The following NHSL2 variants were observed in gnomAD, a reference collection of about 807,000 sequenced individuals.
The protein encoded by NHSL2 is NHS like 2.
In NHSL2, 27 loss-of-function variants were observed where a neutral mutation model predicts 53.4. The observed-to-expected ratio is 0.51, with a 90% CI of 0.37 to 0.70. The LOEUF is 0.70. Among genes scored for constraint, NHSL2 ranks in the 30% least tolerant of loss-of-function variants. The probability of loss-of-function intolerance (pLI) is 0.00; values close to 1 mark genes in which losing one functional copy is unlikely to be tolerated. For missense variants in NHSL2, 892 were observed against 980.1 expected, an observed-to-expected ratio of 0.91 and a Z score of 1.20; for synonymous variants, 408 against 404.1, an observed-to-expected ratio of 1.01 and a Z score of -0.12.
intron 1 of NHSL2, among the ~76,000 whole-genome samples, chrX:72,073,149 C>T (rs1476046767): frequency 8.9e-6 from 1 of 112,079 alleles, no homozygotes; most frequent in Non-Finnish European, 1.9e-5. Context: ...TTCCCAGAGG[C>T]TGGAGCCAGA....
In NHSL2 at chrX:71,963,983, A is replaced by ATATGTG. The variant is rs1569467044; in HGVS notation, c.280+52619_280+52620insGTGTAT. Among the ~76,000 whole-genome samples the ATATGTG allele has an allele frequency of 4.7e-3, 308 of 65,360 alleles. 14 individuals are homozygous for ATATGTG. Among genetic ancestry groups the ATATGTG allele is most frequent in the African/African-American group, 0.02 (289 of 14,559 alleles). The allele number at this position is 65,360 out of a possible 115,157, so 56.8% of individuals were successfully genotyped here. Reference sequence around the variant, plus strand: ...TACACATATATATATACATATATATATATATATATGTATATACATATATAT... The same window carrying ATATGTG: ...TACACATATATATATACATATATATATATGTGTATATATATGTATATACATATATAT... On this transcript the variant is annotated intron_variant, in intron 1 of 7. Coordinates refer to ENST00000633930, the MANE Select transcript of NHSL2 (RefSeq NM_001013627.3).
At chrX:71,951,577 A>G (rs1269333874) in intron 1 of NHSL2, among the ~76,000 whole-genome samples, 1 of 112,054 alleles carries the variant, frequency 8.9e-6, no homozygotes, top group Admixed American at 9.4e-5. Context: ...GCAAGGTGGT[A>G]TCTTGTGGTT....
At chrX:71,994,408 G>A (rs1172008433) in intron 1 of NHSL2, among the ~76,000 whole-genome samples, 1 of 107,779 alleles carries the variant, frequency 9.3e-6, no homozygotes, top group African/African-American at 3.4e-5. Context: ...AGTAAATCAA[G>A]CTGAAGAGGA....
intron 1 of NHSL2, among the ~76,000 whole-genome samples, chrX:72,116,100 A>T (rs1007415960): frequency 1.1e-4 from 12 of 111,982 alleles, no homozygotes; most frequent in African/African-American, 3.9e-4. Context: ...CGGACAAGCC[A>T]TCTAACCTCT....
At chrX:72,114,830 C>T (rs1428130289) in intron 1 of NHSL2, among the ~76,000 whole-genome samples, 1 of 111,975 alleles carries the variant, frequency 8.9e-6, no homozygotes, top group Non-Finnish European at 1.9e-5. Flanking sequence ...GCAGAGGTGA[C>T]CTCCATAAAG....
At chrX:72,103,572 C>A (rs748770608) in intron 1 of NHSL2, among the ~76,000 whole-genome samples, 2 of 111,377 alleles carry the variant, frequency 1.8e-5, no homozygotes, top group Non-Finnish European at 3.8e-5. Context: ...GAGAAGGATC[C>A]AAGCAGAGTA....
At chrX:72,069,631 A>AGAG (rs199850123) in intron 1 of NHSL2, 2 of 880,748 alleles carry the variant, frequency 2.3e-6, no homozygotes, top group East Asian at 4.2e-5. Context: ...AGGAGGAGAA[A>AGAG]GAGGAGGAGG....
chrX:72,023,496 G>A lies in NHSL2; in HGVS notation c.281-108583G>A, dbSNP rs150980325. On this transcript the variant is annotated intron_variant, in intron 1 of 7. Transcript: ENST00000633930. ...ACCTGAAACAATAGGATCTGGGGGT[G>A]TGATTCTCAGAGGTGGGTGATGTAA... 7.1e-5 allele frequency among the ~76,000 whole-genome samples: 8 copies of A among 112,807 alleles called. No homozygotes were observed. In the Admixed American group the frequency reaches 7.5e-4, roughly 11 times the overall value.
At chrX:72,117,037 T>C (rs1021620127) in intron 1 of NHSL2, among the ~76,000 whole-genome samples, 3 of 111,117 alleles carry the variant, frequency 2.7e-5, no homozygotes, top group African/African-American at 9.8e-5. Flanking sequence ...AATCCTGGCA[T>C]AGGGCCAGGA....
chrX:72,031,034 A>G (rs1281744055), intron 1 of NHSL2, among the ~76,000 whole-genome samples: 1 of 111,807 alleles, frequency 8.9e-6, no homozygotes, highest in Non-Finnish European at 1.9e-5. Flanking sequence ...GGCAAGCTCT[A>G]AGGTCACGAA....
intron 1 of NHSL2, chrX:72,130,257 C>T: frequency 8.3e-7 from 1 of 1,207,578 alleles, no homozygotes; most frequent in Non-Finnish European, 1.1e-6. Context: ...GGCCCCCATC[C>T]TCATCTTCAT....
intron 1 of NHSL2, among the ~76,000 whole-genome samples, chrX:72,000,142 T>G (rs2042066432): frequency 1.8e-5 from 2 of 111,921 alleles, no homozygotes; most frequent in South Asian, 7.5e-4. Context: ...GCTGAACACT[T>G]ACCAGAACAC....
chrX:72,015,889 C>G (rs1487096488), intron 1 of NHSL2, among the ~76,000 whole-genome samples: 1 of 111,915 alleles, frequency 8.9e-6, no homozygotes, highest in Admixed American at 9.4e-5. Flanking sequence ...TGTTCTTTGT[C>G]TAATACATAC....
intron 1 of NHSL2, among the ~76,000 whole-genome samples, chrX:71,917,491 A>G (rs1203996857): frequency 1.8e-5 from 2 of 109,643 alleles, no homozygotes; most frequent in African/African-American, 6.7e-5. Context: ...GCTATCGCAC[A>G]CTCTTTGAGT....
intron 1 of NHSL2, among the ~76,000 whole-genome samples, chrX:72,012,075 C>T (rs2042118399): frequency 8.9e-6 from 1 of 111,860 alleles, no homozygotes; most frequent in Admixed American, 9.5e-5. Context: ...AGCTTTTTCT[C>T]ATCCTCTTAA....
intron 1 of NHSL2, among the ~76,000 whole-genome samples, chrX:72,106,295 G>A (rs192723054): frequency 3.2e-4 from 36 of 111,521 alleles, no homozygotes; most frequent in Non-Finnish European, 6.6e-4. Context: ...AAGGTTCTGA[G>A]TTTGCAAGAT....
chrX:71,933,135 T>TC (rs1297583187), intron 1 of NHSL2, among the ~76,000 whole-genome samples: 2 of 112,080 alleles, frequency 1.8e-5, no homozygotes, highest in Non-Finnish European at 3.8e-5. Flanking sequence ...ACCAAGCCCC[T>TC]CCAGGAGTGT....
Position 72,142,312 on chromosome X carries a change from G to A in NHSL2, c.3304G>A (p.Asp1102Asn), listed in dbSNP as rs779036380. 1.7e-6 allele frequency: 2 copies of A among 1,161,101 alleles called. No individual in the cohort carries two copies. Among genetic ancestry groups the A allele is most frequent in the Admixed American group, 2.6e-5 (1 of 38,703 alleles). Residue 1102 changes from aspartate to asparagine, a missense_variant, in exon 7 of 8, where the codon GAC (aspartate) becomes AAC (asparagine). Physicochemically the swap from Asp to Asn is conservative, Grantham distance 23 (BLOSUM62 1). Transcript: ENST00000633930. The part of the protein sequence containing the change: ...TAEWIAEDDD[D>N]VFVASRTTED... ...TGAATGGATTGCAGAGGATGATGAT[G>A]ACGTGTTTGTGGCTTCACGCACAAC...
intron 1 of NHSL2, among the ~76,000 whole-genome samples, chrX:72,119,857 C>T (rs1045180263): frequency 8.9e-6 from 1 of 112,304 alleles, no homozygotes; most frequent in Non-Finnish European, 1.9e-5. Context: ...AGTATTTCAC[C>T]TTTAATTGTG....
Sources: gnomAD v4.1 joint callset for allele counts (sites outside exome capture counted in the v4.1 genomes callset) on GRCh38, gnomAD v4.1.1 for gene constraint, MANE v1.5 for transcripts, NCBI Gene and HGNC (gene_info 2026-07-23, HGNC 2026-07-21) for gene names.